TEX9: variants seen among roughly 807,000 people sequenced by gnomAD.
The protein encoded by TEX9 is testis-expressed protein 9.
Under a neutral mutation model 59.6 loss-of-function variants are expected in TEX9, and 74 were observed. The ratio of observed to expected loss-of-function variants is 1.24; its 90% CI spans 1.03 to 1.51. The LOEUF (loss-of-function observed/expected upper bound fraction) is 1.51, where lower values mean the gene tolerates loss of function less well. Ranked by LOEUF, TEX9 falls within the 40% of genes most tolerant of loss-of-function variation. TEX9 has a pLI of 0.00. For synonymous variants in TEX9, 186 were observed against 152.2 expected (o/e 1.22, Z -1.64); for missense variants, 522 against 447.8 (o/e 1.17, Z -1.49).
At chr15:56,306,501 C>T (rs1272891837) in intron 1 of TEX9, among the ~76,000 whole-genome samples, 2 of 151,996 alleles carry the variant, frequency 1.3e-5, no homozygotes, top group African/African-American at 4.8e-5. Context: ...GTGAAATAAG[C>T]CAAGCACAGG....
chr15:56,304,294 G>A (rs74515106), intron 1 of TEX9, among the ~76,000 whole-genome samples: 6,687 of 152,190 alleles, frequency 0.044, 219 homozygotes, highest in Admixed American at 0.086. Context: ...GAATAACAGC[G>A]GTCAAAGTGG....
At chr15:56,281,030 G>A (rs886348755) in intron 1 of TEX9, among the ~76,000 whole-genome samples, 1 of 151,874 alleles carries the variant, frequency 6.6e-6, no homozygotes, top group Non-Finnish European at 1.5e-5. Flanking sequence ...TTCACTAATG[G>A]GTAAGAAAGG....
At chr15:56,337,955 T>C (rs1158887652) in intron 1 of TEX9, among the ~76,000 whole-genome samples, 3 of 152,210 alleles carry the variant, frequency 2.0e-5, no homozygotes, top group African/African-American at 7.2e-5. Context: ...GATAAGACAT[T>C]CCAGTAGATG....
intron 1 of TEX9, among the ~76,000 whole-genome samples, chr15:56,256,695 A>G (rs889144064): frequency 5.2e-4 from 79 of 152,206 alleles, no homozygotes; most frequent in African/African-American, 1.8e-3. Context: ...AGAAGGGGAT[A>G]TAATTATAGG....
intron 1 of TEX9, among the ~76,000 whole-genome samples, chr15:56,300,685 C>CAGAGAGAGAGAGGGAGGGAGAGAG (rs2045324702): frequency 1.7e-5 from 2 of 115,634 alleles, no homozygotes; most frequent in African/African-American, 7.9e-5. Flanking sequence ...AGCAACTCAG[C>CAGAGAGAGAGAGGGAGGGAGAGAG]AGAGAGAGAG....
the TEX9 span, among the ~76,000 whole-genome samples, chr15:56,457,098 T>C: frequency 6.6e-6 from 1 of 152,184 alleles, no homozygotes; most frequent in African/African-American, 2.4e-5. Context: ...ATTATTTTTC[T>C]TAAGTCTCTT....
chr15:56,371,885 A>C (rs1329145213), intron 2 of TEX9, among the ~76,000 whole-genome samples: 2 of 152,204 alleles, frequency 1.3e-5, no homozygotes, highest in African/African-American at 4.8e-5. Context: ...GGTTGTGGGT[A>C]GAATTTTTGT....
At chr15:56,273,483 T>C (rs2044597320) in intron 1 of TEX9, among the ~76,000 whole-genome samples, 1 of 152,226 alleles carries the variant, frequency 6.6e-6, no homozygotes, top group Non-Finnish European at 1.5e-5. Context: ...ACACATGTTG[T>C]AAACCCAAAG....
rs1021766007 is a variant in TEX9, at chr15:56,324,769, T to A, written c.-106-48672T>A. On this transcript the variant is annotated intron_variant, in intron 1 of 5. Transcript: ENST00000560827. ...AGATGTTTAGCTAAGTCATGATGCA[T>A]CTGCCTTGAGTGACTCTTTCATGCA... 3.6e-4 allele frequency among the ~76,000 whole-genome samples: 55 copies of A among 152,228 alleles called. 1 individual carries two copies. Among genetic ancestry groups the A allele is most frequent in the Admixed American group, 3.5e-3 (54 of 15,284 alleles).
At chr15:56,359,027 T>C (rs1362615587) in intron 1 of TEX9, among the ~76,000 whole-genome samples, 1 of 152,160 alleles carries the variant, frequency 6.6e-6, no homozygotes, top group Non-Finnish European at 1.5e-5. Flanking sequence ...CTCAGGTATT[T>C]TTTATAGCAG....
chr15:56,371,045 C>T (rs1242859105), intron 2 of TEX9, among the ~76,000 whole-genome samples: 2 of 151,872 alleles, frequency 1.3e-5, no homozygotes, highest in East Asian at 1.9e-4. Flanking sequence ...TTAGTAGAGC[C>T]GGGGTTTCGC....
At chr15:56,343,933 G>T (rs1156691878) in intron 1 of TEX9, among the ~76,000 whole-genome samples, 32 of 152,082 alleles carry the variant, frequency 2.1e-4, no homozygotes, top group African/African-American at 7.5e-4. Flanking sequence ...AACATCTTTA[G>T]CCATCAGGAA....
chr15:56,258,545 G>A (rs962808836), intron 1 of TEX9, among the ~76,000 whole-genome samples: 6 of 151,856 alleles, frequency 4.0e-5, no homozygotes, highest in Non-Finnish European at 7.4e-5. Flanking sequence ...TTCTTTTGTA[G>A]CAATTGTGAA....
At chr15:56,272,914 C>A (rs1350685004) in intron 1 of TEX9, among the ~76,000 whole-genome samples, 3 of 109,914 alleles carry the variant, frequency 2.7e-5, no homozygotes, top group African/African-American at 5.5e-5. Flanking sequence ...GGTGGGGGTT[C>A]TTTATTTATT....
intron 1 of TEX9, among the ~76,000 whole-genome samples, chr15:56,331,073 G>T: frequency 6.6e-6 from 1 of 152,168 alleles, no homozygotes. Context: ...ATTATGTAAA[G>T]ATACAAGGGT....
chr15:56,334,655 A>G (rs2046224217), intron 1 of TEX9, among the ~76,000 whole-genome samples: 1 of 152,178 alleles, frequency 6.6e-6, no homozygotes, highest in South Asian at 2.1e-4. Context: ...GACAAATGGG[A>G]TCACATCAAG....
intron 9 of TEX9, among the ~76,000 whole-genome samples, chr15:56,399,494 G>C (rs1271633343): frequency 1.3e-5 from 2 of 152,250 alleles, no homozygotes; most frequent in South Asian, 2.1e-4. Context: ...AGCTCAGCAA[G>C]GCCTACTGCC....
intron 1 of TEX9, among the ~76,000 whole-genome samples, chr15:56,276,468 G>T (rs1487781644): frequency 6.6e-6 from 1 of 152,016 alleles, no homozygotes; most frequent in Non-Finnish European, 1.5e-5. Flanking sequence ...TGAGGATGAT[G>T]GTTTCCAGCT....
intron 1 of TEX9, among the ~76,000 whole-genome samples, chr15:56,342,011 G>C (rs1596103944): frequency 6.6e-6 from 1 of 151,738 alleles, no homozygotes; most frequent in African/African-American, 2.4e-5. Flanking sequence ...TTTGATAAGT[G>C]AACTTTTTCT....
Sources: gnomAD v4.1 joint callset for allele counts (sites outside exome capture counted in the v4.1 genomes callset) on GRCh38, gnomAD v4.1.1 for gene constraint, MANE v1.5 for transcripts, NCBI Gene and HGNC (gene_info 2026-07-23, HGNC 2026-07-21) for gene names.